PCDH15: variants seen among roughly 807,000 people sequenced by gnomAD.
The protein encoded by PCDH15 is protocadherin related 15, also known as protocadherin-15.
PCDH15 carries 129 observed loss-of-function variants against 178.5 expected under a neutral mutation model. The observed-to-expected ratio is 0.72, with a 90% CI of 0.63 to 0.84. The LOEUF is 0.84. Ranked by LOEUF, PCDH15 falls within the 40% of genes least tolerant of loss-of-function variation. PCDH15 has a pLI of 0.00. For missense variants in PCDH15, 2,230 were observed against 2,099.9 expected, an observed-to-expected ratio of 1.06 and a Z score of -1.21; for synonymous variants, 800 against 732.0, an observed-to-expected ratio of 1.09 and a Z score of -1.50.
intron 2 of PCDH15, among the ~76,000 whole-genome samples, chr10:55,609,578 A>C (rs889779252): frequency 1.3e-5 from 2 of 152,144 alleles, no homozygotes; most frequent in Non-Finnish European, 2.9e-5. Flanking sequence ...AGGCCTCTTC[A>C]TTTATGTATA....
chr10:54,770,849 C>T (rs1337730122), intron 1 of PCDH15, among the ~76,000 whole-genome samples: 1 of 151,936 alleles, frequency 6.6e-6, no homozygotes, highest in African/African-American at 2.4e-5. Context: ...CTTATTTTGT[C>T]CTTCCTGAGT....
chr10:53,899,204 T>C (rs1047454472), intron 26 of PCDH15, among the ~76,000 whole-genome samples: 6 of 152,064 alleles, frequency 3.9e-5, no homozygotes, highest in African/African-American at 1.4e-4. Context: ...AGCCTATTTT[T>C]GTTGCTTCCA....
intron 25 of PCDH15, among the ~76,000 whole-genome samples, chr10:53,907,601 T>A (rs1215470449): frequency 6.6e-6 from 1 of 152,202 alleles, no homozygotes; most frequent in Non-Finnish European, 1.5e-5. Flanking sequence ...ATTAACTTTT[T>A]TCTCCAATTT....
chr10:54,275,828 A>G (rs1397211406), intron 8 of PCDH15, among the ~76,000 whole-genome samples: 1 of 151,728 alleles, frequency 6.6e-6, no homozygotes, highest in Non-Finnish European at 1.5e-5. Context: ...TGAATGAAAA[A>G]TGAGTCCAGA....
chr10:54,889,618 G>T (rs1427837290), intron 3 of PCDH15, among the ~76,000 whole-genome samples: 1 of 150,564 alleles, frequency 6.6e-6, no homozygotes, highest in Non-Finnish European at 1.5e-5. Flanking sequence ...AGTCTTCTTG[G>T]TCTATACTAT....
intron 3 of PCDH15, among the ~76,000 whole-genome samples, chr10:54,497,597 C>A (rs910282153): frequency 9.2e-5 from 14 of 151,954 alleles, no homozygotes; most frequent in African/African-American, 3.1e-4. Flanking sequence ...AAGACAGAAC[C>A]AAACTGAACC....
intron 8 of PCDH15, among the ~76,000 whole-genome samples, chr10:54,288,246 G>A (rs1037917378): frequency 5.3e-5 from 8 of 152,124 alleles, no homozygotes; most frequent in Non-Finnish European, 8.8e-5. Context: ...TTTGAACCCA[G>A]GAGGGAGAGG....
chr10:54,418,407 A>G (rs992946316), intron 3 of PCDH15, among the ~76,000 whole-genome samples: 1 of 152,074 alleles, frequency 6.6e-6, no homozygotes, highest in Non-Finnish European at 1.5e-5. Flanking sequence ...GCCAGTATTC[A>G]AATGTCTGCA....
chr10:53,982,504 G>C (rs979135771), intron 21 of PCDH15, among the ~76,000 whole-genome samples: 1 of 152,010 alleles, frequency 6.6e-6, no homozygotes, highest in African/African-American at 2.4e-5. Context: ...AAAATGATGA[G>C]TTCATGTCCT....
chr10:55,309,512 C>T (rs1588900319), intron 1 of PCDH15, among the ~76,000 whole-genome samples: 1 of 145,382 alleles, frequency 6.9e-6, no homozygotes, highest in East Asian at 2.0e-4. Flanking sequence ...CAGAACGAGA[C>T]CTTATCTTTT....
At chr10:53,946,506 C>A (rs1200206963) in intron 23 of PCDH15, among the ~76,000 whole-genome samples, 2 of 152,058 alleles carry the variant, frequency 1.3e-5, no homozygotes, top group Non-Finnish European at 2.9e-5. Flanking sequence ...TTTGGACTGG[C>A]CTCTTTCCTT....
intron 35 of PCDH15, among the ~76,000 whole-genome samples, chr10:53,812,358 C>T (rs1343412717): frequency 6.7e-6 from 1 of 150,284 alleles, no homozygotes; most frequent in Non-Finnish European, 1.5e-5. Flanking sequence ...CAGGCGCCCG[C>T]CACCACGCCC....
At chr10:54,680,382 A>T (rs1181567285) in intron 1 of PCDH15, among the ~76,000 whole-genome samples, 1 of 152,204 alleles carries the variant, frequency 6.6e-6, no homozygotes, top group African/African-American at 2.4e-5. Context: ...GTATTAAAAT[A>T]TAATGATCAG....
At chr10:54,825,367 A>C (rs1235731749) in intron 3 of PCDH15, among the ~76,000 whole-genome samples, 140 of 147,512 alleles carry the variant, frequency 9.5e-4, no homozygotes, top group African/African-American at 3.4e-3. Flanking sequence ...AGCATGATTT[A>C]TAGTCCTTTG....
At chr10:54,893,304 TGAAA>T (rs1954494735) in intron 3 of PCDH15, among the ~76,000 whole-genome samples, 1 of 152,244 alleles carries the variant, frequency 6.6e-6, no homozygotes, top group South Asian at 2.1e-4. Flanking sequence ...TATAATGCAC[TGAAA>T]ATGAGAAATT....
intron 11 of PCDH15, among the ~76,000 whole-genome samples, chr10:54,187,320 C>T (rs539361781): frequency 2.0e-5 from 3 of 151,994 alleles, no homozygotes; most frequent in South Asian, 2.1e-4. Context: ...CATATCTTCA[C>T]ATTTTTAAGC....
At chr10:54,066,641 T>A (rs2094141360) in intron 18 of PCDH15, 116 bp downstream of exon 18, 1 of 1,001,528 alleles carries the variant, frequency 1.0e-6, no homozygotes, top group South Asian at 1.4e-5. Flanking sequence ...TTGAAGAATA[T>A]CCAGCACAGT....
intron 2 of PCDH15, among the ~76,000 whole-genome samples, chr10:55,016,644 A>T (rs11004675): frequency 0.53 from 79,944 of 151,982 alleles, 22,079 homozygotes; most frequent in East Asian, 0.75. Context: ...TCTTTATGCA[A>T]TCATCTGTTG....
At chr10:53,811,268 T>C (rs937884324) in intron 36 of PCDH15, among the ~76,000 whole-genome samples, 1 of 152,224 alleles carries the variant, frequency 6.6e-6, no homozygotes, top group African/African-American at 2.4e-5. Context: ...TGAGCAAATA[T>C]GTTTCACATC....
Sources: allele counts gnomAD v4.1 joint callset (sites outside exome capture counted in the v4.1 genomes callset), GRCh38; gene constraint gnomAD v4.1.1; transcripts MANE v1.5; gene names NCBI Gene and HGNC (gene_info 2026-07-23, HGNC 2026-07-21).